ADAMTSL1: variants seen among roughly 807,000 people sequenced by gnomAD.
ADAMTSL1 encodes ADAMTS-like protein 1.
Under a neutral mutation model 201.8 loss-of-function variants are expected in ADAMTSL1, and 126 were observed. The observed-to-expected ratio is 0.62, with a 90% CI of 0.54 to 0.72. The LOEUF is 0.72. Ranked by LOEUF, ADAMTSL1 falls within the 30% of genes least tolerant of loss-of-function variation. The probability of loss-of-function intolerance (pLI) is 0.00; values close to 1 mark genes in which losing one functional copy is unlikely to be tolerated. For synonymous variants in ADAMTSL1, 1,121 were observed against 903.4 expected (o/e 1.24, Z -4.32); for missense variants, 2,679 against 2,277.8 (o/e 1.18, Z -3.59).
At chr9:18,526,522 T>C (rs1819064501) in intron 2 of ADAMTSL1, among the ~76,000 whole-genome samples, 1 of 152,246 alleles carries the variant, frequency 6.6e-6, no homozygotes, top group Admixed American at 6.5e-5. Context: ...TGACGCAGTT[T>C]CTTCCCAGCA....
chr9:18,499,133 AC>A (rs1255846689), intron 1 of ADAMTSL1, among the ~76,000 whole-genome samples: 1 of 152,250 alleles, frequency 6.6e-6, no homozygotes, highest in Non-Finnish European at 1.5e-5. Flanking sequence ...CCTCTGAAAG[AC>A]CATGCACTGT....
intron 1 of ADAMTSL1, among the ~76,000 whole-genome samples, chr9:17,994,224 T>C (rs1441350973): frequency 1.3e-5 from 2 of 152,094 alleles, no homozygotes; most frequent in Non-Finnish European, 2.9e-5. Context: ...CAAGTGACAT[T>C]GGCTGTAAAT....
chr9:18,665,634 G>T (rs1368748208), intron 9 of ADAMTSL1, among the ~76,000 whole-genome samples: 1 of 152,054 alleles, frequency 6.6e-6, no homozygotes, highest in Non-Finnish European at 1.5e-5. Flanking sequence ...CTATTTTTTG[G>T]TTCTCATTCT....
intron 2 of ADAMTSL1, among the ~76,000 whole-genome samples, chr9:18,271,180 T>C (rs1271652412): frequency 6.6e-6 from 1 of 152,186 alleles, no homozygotes; most frequent in Non-Finnish European, 1.5e-5. Flanking sequence ...CAGATTTTTA[T>C]ATACATATAT....
chr9:17,984,970 T>G (rs1818863156), intron 1 of ADAMTSL1, among the ~76,000 whole-genome samples: 1 of 152,132 alleles, frequency 6.6e-6, no homozygotes, highest in South Asian at 2.1e-4. Flanking sequence ...CTTAAACCAT[T>G]GTGTTTGAGC....
intron 26 of ADAMTSL1, among the ~76,000 whole-genome samples, chr9:18,895,770 CA>C (rs751102201): frequency 1.3e-5 from 2 of 152,154 alleles, no homozygotes; most frequent in Non-Finnish European, 2.9e-5. Flanking sequence ...AGCCAGTCTA[CA>C]GAGAGTAGGA....
chr9:18,547,633 T>TAA (rs56789652), intron 3 of ADAMTSL1, among the ~76,000 whole-genome samples: 2,830 of 85,884 alleles, frequency 0.033, 58 homozygotes, highest in Middle Eastern at 0.07. Context: ...TATATATATA[T>TAA]AAAAAAAAAA....
chr9:18,887,187 C>G (rs1006556228), intron 23 of ADAMTSL1, among the ~76,000 whole-genome samples: 1 of 152,202 alleles, frequency 6.6e-6, no homozygotes, highest in Non-Finnish European at 1.5e-5. Context: ...TTCTATGCTA[C>G]AAAGTCTTGG....
chr9:18,012,724 T>A (rs1333171235), intron 1 of ADAMTSL1, among the ~76,000 whole-genome samples: 2 of 152,008 alleles, frequency 1.3e-5, no homozygotes. Flanking sequence ...GGGAGTCCCC[T>A]AGAATACTTT....
At chr9:18,641,124 C>A (rs537843293) in intron 7 of ADAMTSL1, among the ~76,000 whole-genome samples, 1 of 152,014 alleles carries the variant, frequency 6.6e-6, no homozygotes, top group African/African-American at 2.4e-5. Flanking sequence ...AACTCATTAC[C>A]TTTGCAGGAT....
At chr9:18,160,949 A>C (rs1827362194) in intron 1 of ADAMTSL1, among the ~76,000 whole-genome samples, 1 of 151,450 alleles carries the variant, frequency 6.6e-6, no homozygotes, top group Non-Finnish European at 1.5e-5. Context: ...CAGCCTCTCA[A>C]AGTGCTGGGA....
intron 4 of ADAMTSL1, among the ~76,000 whole-genome samples, chr9:18,598,582 C>T (rs1824422427): frequency 6.6e-6 from 1 of 152,070 alleles, no homozygotes; most frequent in African/African-American, 2.4e-5. Flanking sequence ...ATCACAGGAA[C>T]ATTCCATTTA....
chr9:18,457,336 T>A (rs192840695), intron 2 of ADAMTSL1, among the ~76,000 whole-genome samples: 1 of 151,158 alleles, frequency 6.6e-6, no homozygotes, highest in Non-Finnish European at 1.5e-5. Context: ...ATAATTTCTT[T>A]CTTTTTTTGT....
At chr9:18,219,385 T>A (rs1710297794) in intron 2 of ADAMTSL1, among the ~76,000 whole-genome samples, 1 of 145,780 alleles carries the variant, frequency 6.9e-6, no homozygotes, top group Admixed American at 7.0e-5. Context: ...ATTTATTTAT[T>A]TGAGACAGTG....
At chr9:18,470,093 A>T (rs1330080786), upstream of ADAMTSL1, among the ~76,000 whole-genome samples, 1 of 152,180 alleles carries the variant, frequency 6.6e-6, no homozygotes, top group Non-Finnish European at 1.5e-5. Context: ...CTCAGATGGT[A>T]GTCCTGGGGA....
intron 13 of ADAMTSL1, 46 bp from the exon 14 acceptor site, chr9:18,706,701 G>T: frequency 2.0e-6 from 3 of 1,520,868 alleles, no homozygotes; most frequent in South Asian, 2.6e-5. Context: ...ATGGCTTCCT[G>T]CCTGGGGCTT....
intron 2 of ADAMTSL1, among the ~76,000 whole-genome samples, chr9:18,286,547 C>T (rs1277979410): frequency 1.3e-5 from 2 of 151,768 alleles, no homozygotes; most frequent in Non-Finnish European, 2.9e-5. Flanking sequence ...ATAGTAGATA[C>T]TTTGTGTTTC....
intron 1 of ADAMTSL1, among the ~76,000 whole-genome samples, chr9:18,072,265 A>G (rs910085267): frequency 6.6e-6 from 1 of 152,164 alleles, no homozygotes; most frequent in South Asian, 2.1e-4. Context: ...TACCACTGTT[A>G]TGCGAAACAT....
chr9:18,019,278 T>G (rs574556595), intron 1 of ADAMTSL1, among the ~76,000 whole-genome samples: 1 of 152,198 alleles, frequency 6.6e-6, no homozygotes, highest in East Asian at 1.9e-4. Flanking sequence ...GGGGAAGGAT[T>G]GTTAAACGAA....
Sources: gnomAD v4.1 joint callset for allele counts (sites outside exome capture counted in the v4.1 genomes callset) on GRCh38, gnomAD v4.1.1 for gene constraint, MANE v1.5 for transcripts, NCBI Gene and HGNC (gene_info 2026-07-23, HGNC 2026-07-21) for gene names.